The following RGS7BP variants were observed in gnomAD, a reference collection of about 807,000 sequenced individuals.
RGS7BP encodes the protein regulator of G protein signaling 7 binding protein.
Under a neutral mutation model 31.3 loss-of-function variants are expected in RGS7BP, and 9 were observed. That is an observed-to-expected ratio of 0.29 (90% CI 0.17 to 0.50). The LOEUF (loss-of-function observed/expected upper bound fraction) is 0.50, where lower values mean the gene tolerates loss of function less well. Ranked by LOEUF, RGS7BP falls within the 20% of genes least tolerant of loss-of-function variation. RGS7BP has a pLI of 0.98. For missense variants in RGS7BP, 274 were observed against 322.0 expected, an observed-to-expected ratio of 0.85 and a Z score of 1.14; for synonymous variants, 115 against 120.1, an observed-to-expected ratio of 0.96 and a Z score of 0.28.
chr5:64,572,390 A>G (rs557390027), intron 2 of RGS7BP, among the ~76,000 whole-genome samples: 5 of 152,202 alleles, frequency 3.3e-5, no homozygotes, highest in Admixed American at 6.6e-5. Flanking sequence ...TTGCATTTCA[A>G]TGAACTTTCA....
In RGS7BP at chr5:64,506,893, T is replaced by G; in HGVS notation, c.165+104T>G. On this transcript the variant is annotated intron_variant, in intron 1 of 5. Transcript: ENST00000334025. This position sits in a 1 kb window ranked among gnomAD's most constrained non-coding sequence, Gnocchi z 4.6. Reference sequence around the variant, plus strand: ...CTGAGTGCCAGCCACTCCCCCACCCTCAGCTCCTCAATGCCGATCACGTGG... The same window carrying G: ...CTGAGTGCCAGCCACTCCCCCACCCGCAGCTCCTCAATGCCGATCACGTGG... 9.1e-7 allele frequency: 1 copy of G among 1,096,678 alleles called. No homozygotes were observed. The highest frequency in any genetic ancestry group is 2.6e-5 in the Admixed American group (1 of 38,388). The allele number at this position is 1,096,678 out of a possible 1,614,324, so 67.9% of individuals were successfully genotyped here.
intron 4 of RGS7BP, among the ~76,000 whole-genome samples, 191 bp from the exon 5 acceptor site, chr5:64,598,174 T>A (rs1177992861): frequency 6.6e-6 from 1 of 152,206 alleles, no homozygotes; most frequent in Non-Finnish European, 1.5e-5. Flanking sequence ...TCTCACTTTT[T>A]CCTGAGCCAA....
chr5:64,557,307 C>T (rs1459483662), intron 2 of RGS7BP, among the ~76,000 whole-genome samples: 1 of 152,098 alleles, frequency 6.6e-6, no homozygotes, highest in African/African-American at 2.4e-5. Context: ...CTGATGGGTC[C>T]TTTCCTTCTG....
At chr5:64,596,545 C>T (rs1006163522) in intron 4 of RGS7BP, among the ~76,000 whole-genome samples, 6 of 152,150 alleles carry the variant, frequency 3.9e-5, no homozygotes, top group African/African-American at 1.4e-4. Context: ...AGCCCTTTCT[C>T]ACCCATTCCA....
intron 2 of RGS7BP, among the ~76,000 whole-genome samples, chr5:64,550,908 A>G (rs970199232): frequency 1.3e-5 from 2 of 151,660 alleles, no homozygotes; most frequent in Non-Finnish European, 2.9e-5. Context: ...AAGGACATGA[A>G]CTCATCATTT....
intron 4 of RGS7BP, 77 bp from the exon 5 acceptor site, chr5:64,598,288 T>G: frequency 1.2e-6 from 1 of 817,070 alleles, no homozygotes. Context: ...CTTTCAGTTG[T>G]CTCATATAAC....
intron 2 of RGS7BP, among the ~76,000 whole-genome samples, chr5:64,524,429 T>C (rs1231762522): frequency 6.6e-6 from 1 of 152,172 alleles, no homozygotes; most frequent in Non-Finnish European, 1.5e-5. Flanking sequence ...CGGAGTGATG[T>C]CTAGGGAAGA....
At chr5:64,602,187 G>T (rs1374507132) in intron 5 of RGS7BP, among the ~76,000 whole-genome samples, 1 of 152,182 alleles carries the variant, frequency 6.6e-6, no homozygotes, top group Non-Finnish European at 1.5e-5. Flanking sequence ...CAGATATCTG[G>T]CTGAAGAACA....
At chr5:64,587,031 C>A (rs535736939) in intron 3 of RGS7BP, among the ~76,000 whole-genome samples, 11 of 152,234 alleles carry the variant, frequency 7.2e-5, no homozygotes, top group Admixed American at 3.3e-4. Context: ...AATGCCAGAG[C>A]TGGGTAGAGT....
At chr5:64,594,065 T>G (rs1028157830) in intron 3 of RGS7BP, among the ~76,000 whole-genome samples, 1 of 152,216 alleles carries the variant, frequency 6.6e-6, no homozygotes, top group Non-Finnish European at 1.5e-5. Context: ...GGGTAGGTAG[T>G]GCATTGCTGT....
intron 2 of RGS7BP, among the ~76,000 whole-genome samples, chr5:64,542,346 T>A (rs984113360): frequency 6.6e-6 from 1 of 152,214 alleles, no homozygotes. Flanking sequence ...TTCTGAACAA[T>A]ATGTGAACAT....
chr5:64,590,371 A>C (rs1742880979), intron 3 of RGS7BP, among the ~76,000 whole-genome samples: 1 of 152,172 alleles, frequency 6.6e-6, no homozygotes, highest in Non-Finnish European at 1.5e-5. Context: ...AAAAAGAAGA[A>C]GATATGTTTG....
At chr5:64,541,644 T>A (rs547716736) in intron 2 of RGS7BP, among the ~76,000 whole-genome samples, 1 of 152,344 alleles carries the variant, frequency 6.6e-6, no homozygotes, top group East Asian at 1.9e-4. Context: ...TTTCACTGAG[T>A]TTTCTTAATT....
At position 64,609,200 on chromosome 5, in the gene RGS7BP, T is replaced by C; in HGVS notation, c.722T>C (p.Val241Ala). The C allele has an allele frequency of 6.2e-7, 1 of 1,611,744 alleles. No individual in the cohort carries two copies. Among genetic ancestry groups the C allele is most frequent in the Non-Finnish European group, 8.5e-7 (1 of 1,178,214 alleles). Reference protein sequence around the residue: ...SLLNLTPYPLVRRRKRRFFGL... With the variant: ...SLLNLTPYPLARRRKRRFFGL... ...CTGAATCTAACTCCCTACCCCCTGG[T>C]GAGAAGACGGAAGAGAAGGTTCTTT... is the stretch of plus-strand genomic sequence containing the variant. The change falls in exon 6 of 6, where the codon GTG becomes GCG. Residue 241 changes from valine to alanine, a missense_variant. Transcript: ENST00000334025.
At chr5:64,531,141 T>C (rs968222545) in intron 2 of RGS7BP, among the ~76,000 whole-genome samples, 1 of 152,214 alleles carries the variant, frequency 6.6e-6, no homozygotes, top group African/African-American at 2.4e-5. Context: ...ACTTCTTCTA[T>C]AGTGGACATT....
chr5:64,544,049 A>T (rs926854297), intron 2 of RGS7BP, among the ~76,000 whole-genome samples: 2 of 152,256 alleles, frequency 1.3e-5, no homozygotes, highest in Non-Finnish European at 2.9e-5. Flanking sequence ...TTAATAGCAG[A>T]GTTACATGTG....
At chr5:64,544,256 C>G (rs1741593606) in intron 2 of RGS7BP, among the ~76,000 whole-genome samples, 1 of 152,204 alleles carries the variant, frequency 6.6e-6, no homozygotes. Context: ...GGTGAAAATA[C>G]AGTATGATGT....
chr5:64,519,965 C>T (rs1561320627), intron 2 of RGS7BP, among the ~76,000 whole-genome samples: 1 of 152,174 alleles, frequency 6.6e-6, no homozygotes, highest in Non-Finnish European at 1.5e-5. Flanking sequence ...GATTCTTTTG[C>T]CTTTTCCCTA....
At chr5:64,539,973 C>A (rs964124411) in intron 2 of RGS7BP, among the ~76,000 whole-genome samples, 1 of 151,892 alleles carries the variant, frequency 6.6e-6, no homozygotes, top group Non-Finnish European at 1.5e-5. Context: ...CTGATTTGCA[C>A]AATTTTTTTA....
Sources: gnomAD v4.1 joint callset for allele counts (sites outside exome capture counted in the v4.1 genomes callset) on GRCh38, gnomAD v4.1.1 for gene constraint, Gnocchi (gnomAD v3.1) non-coding constraint, MANE v1.5 for transcripts, NCBI Gene and HGNC (gene_info 2026-07-23, HGNC 2026-07-21) for gene names.